NREP: variants seen among roughly 807,000 people sequenced by gnomAD.
NREP encodes the protein neuronal regeneration related protein.
NREP carries 5 observed loss-of-function variants against 8.6 expected under a neutral mutation model. The observed-to-expected ratio is 0.58, with a 90% CI of 0.30 to 1.22. NREP has a LOEUF of 1.22. NREP is among the 50% of genes most tolerant of loss of function. The pLI is 0.07. For synonymous variants in NREP, 27 were observed against 28.0 expected (o/e 0.96, Z 0.11); for missense variants, 86 against 82.5 (o/e 1.04, Z -0.17).
chr5:111,820,328 C>G (rs1293716223), intron 2 of NREP, among the ~76,000 whole-genome samples: 2 of 152,228 alleles, frequency 1.3e-5, no homozygotes, highest in Non-Finnish European at 2.9e-5. Flanking sequence ...AAATTTCTCA[C>G]TGCTCTGTGC....
At chr5:111,934,824 G>A (rs1047720455) in intron 2 of NREP, among the ~76,000 whole-genome samples, 1 of 152,016 alleles carries the variant, frequency 6.6e-6, no homozygotes, top group South Asian at 2.1e-4. Flanking sequence ...GAACCTCCTG[G>A]GAGAAGAGGC....
At chr5:111,817,505 C>T (rs1441299125) in intron 2 of NREP, among the ~76,000 whole-genome samples, 1 of 151,926 alleles carries the variant, frequency 6.6e-6, no homozygotes, top group Non-Finnish European at 1.5e-5. Flanking sequence ...TAACTTTTTT[C>T]CTTTTAAAAT....
At chr5:111,745,990 G>A (rs1484535229) in intron 2 of NREP, among the ~76,000 whole-genome samples, 1 of 152,132 alleles carries the variant, frequency 6.6e-6, no homozygotes, top group African/African-American at 2.4e-5. Flanking sequence ...TAGGTATGCT[G>A]TATTTGATCC....
intron 2 of NREP, among the ~76,000 whole-genome samples, chr5:111,910,258 C>T (rs531610617): frequency 6.6e-5 from 10 of 152,094 alleles, no homozygotes; most frequent in African/African-American, 1.9e-4. Context: ...TCAGTTTAGT[C>T]TTTGACGTGG....
chr5:111,894,183 C>T (rs559991299), intron 2 of NREP, among the ~76,000 whole-genome samples: 2 of 152,152 alleles, frequency 1.3e-5, no homozygotes, highest in South Asian at 4.2e-4. Flanking sequence ...CACGCCATTG[C>T]ACTCCAGCCT....
intron 3 of NREP, chr5:111,734,587 T>C (rs570254946): frequency 8.5e-5 from 39 of 460,292 alleles, no homozygotes; most frequent in Non-Finnish European, 1.2e-4. Flanking sequence ...CAGTATAAGA[T>C]AGGGAATTGT....
chr5:111,767,937 T>C (rs1401320213), intron 2 of NREP, among the ~76,000 whole-genome samples: 1 of 152,164 alleles, frequency 6.6e-6, no homozygotes, highest in Non-Finnish European at 1.5e-5. Flanking sequence ...AGTGCTGGGA[T>C]TCTAAGTGTG....
chr5:111,882,312 A>T (rs981853822), intron 2 of NREP, among the ~76,000 whole-genome samples: 1 of 152,238 alleles, frequency 6.6e-6, no homozygotes, highest in Non-Finnish European at 1.5e-5. Flanking sequence ...CAAAGCCTCT[A>T]AGAAATATGG....
rs560315306 is a variant in NREP at position 111,803,078 on chromosome 5, A to C, written c.136-67571T>G. ...AAGAGAATAAATTTAGTTTTAGATAAGGTGATTTTAATATAATGTTGGAGC... is the reference window on the plus strand; with the variant it reads ...AAGAGAATAAATTTAGTTTTAGATACGGTGATTTTAATATAATGTTGGAGC... On this transcript the variant is annotated intron_variant, in intron 2 of 3. Coordinates refer to the NREP transcript ENST00000395634. 5.9e-5 allele frequency among the ~76,000 whole-genome samples: 9 copies of C among 152,338 alleles called. No individual in the cohort carries two copies. The East Asian group carries it at 1.7e-3, about 29-fold the overall frequency.
intron 2 of NREP, among the ~76,000 whole-genome samples, chr5:111,833,003 G>C (rs1752810222): frequency 6.6e-6 from 1 of 152,194 alleles, no homozygotes; most frequent in African/African-American, 2.4e-5. Context: ...GCTCCCGCCA[G>C]GCAGGCTCCA....
intron 2 of NREP, among the ~76,000 whole-genome samples, chr5:111,867,823 T>C (rs1753702630): frequency 1.3e-5 from 2 of 152,068 alleles, no homozygotes; most frequent in African/African-American, 2.4e-5. Context: ...TTTGAGAAAA[T>C]TGAGGTAAAA....
intron 2 of NREP, among the ~76,000 whole-genome samples, chr5:111,853,606 A>G (rs1753359063): frequency 1.3e-5 from 2 of 152,182 alleles, no homozygotes; most frequent in Non-Finnish European, 2.9e-5. Flanking sequence ...TTTAAATAGA[A>G]GCACTCAGTA....
In NREP at chr5:111,907,813, C is replaced by T. The variant is rs572944965; in HGVS notation, c.135+67461G>A. On this transcript the variant is annotated intron_variant, in intron 2 of 3. Transcript: ENST00000395634. ...TCCAAGAAGTCTTTTAAGTCTGTCC[C>T]ATGGTGGATGAAGTGTTCCTCTCAA... Among the ~76,000 whole-genome samples, 29 of 152,120 alleles carry T rather than the reference C, an allele frequency of 1.9e-4. No homozygotes were observed. The South Asian group carries it at 5.8e-3, about 30-fold the overall frequency.
chr5:111,963,261 G>A (rs886359203), intron 2 of NREP, among the ~76,000 whole-genome samples: 5 of 152,186 alleles, frequency 3.3e-5, no homozygotes, highest in South Asian at 2.1e-4. Context: ...GCTTGCTCAC[G>A]TACTCCCTCA....
chr5:111,949,063 A>T (rs1382819433), intron 2 of NREP: 2 of 152,120 alleles, frequency 1.3e-5, no homozygotes, highest in Admixed American at 1.3e-4. Flanking sequence ...GAAAAAACAA[A>T]ATGAAATTCT....
At chr5:111,864,779 C>T (rs184864851) in intron 2 of NREP, among the ~76,000 whole-genome samples, 3 of 152,042 alleles carry the variant, frequency 2.0e-5, no homozygotes, top group African/African-American at 7.2e-5. Flanking sequence ...ATGGAAATAT[C>T]GTACCTATCA....
intron 2 of NREP, among the ~76,000 whole-genome samples, chr5:111,971,379 GAGTAGCCAGTCAATCTGTA>G (rs1756813441): frequency 6.6e-6 from 1 of 152,034 alleles, no homozygotes. Context: ...AGAAGACCTT[GAGTAGCCAGTCAATCTGTA>G]GCAAAAAACA....
intron 2 of NREP, among the ~76,000 whole-genome samples, chr5:111,927,545 C>T (rs186111507): frequency 6.6e-6 from 1 of 152,114 alleles, no homozygotes; most frequent in Admixed American, 6.5e-5. Flanking sequence ...CTAAGTGATG[C>T]AAAAACTACC....
chr5:111,771,425 TTACACACACACA>T (rs1386006767), intron 2 of NREP, among the ~76,000 whole-genome samples: 2 of 113,792 alleles, frequency 1.8e-5, no homozygotes, highest in African/African-American at 7.8e-5. Flanking sequence ...TCATAGTCTT[TTACACACACACA>T]CACACACACA....
Sources: allele counts gnomAD v4.1 joint callset (sites outside exome capture counted in the v4.1 genomes callset), GRCh38; gene constraint gnomAD v4.1.1; transcripts MANE v1.5; gene names NCBI Gene and HGNC (gene_info 2026-07-23, HGNC 2026-07-21).